Variants in CPPED1 observed in about 807,000 individuals in gnomAD.
CPPED1 encodes the protein calcineurin like phosphoesterase domain containing 1.
In CPPED1, 28 loss-of-function variants were observed where a neutral mutation model predicts 28.0. The observed-to-expected ratio is 1.00, with a 90% CI of 0.74 to 1.37. CPPED1 has a LOEUF of 1.37. CPPED1 is among the 40% of genes most tolerant of loss of function. The probability of loss-of-function intolerance (pLI) is 0.00; values close to 1 mark genes in which losing one functional copy is unlikely to be tolerated. For missense variants in CPPED1, 504 were observed against 416.5 expected (o/e 1.21, Z -1.83); for synonymous variants, 198 against 180.2 (o/e 1.10, Z -0.79).
intron 3 of CPPED1, among the ~76,000 whole-genome samples, chr16:12,686,239 A>AT (rs1374336715): frequency 1.5e-4 from 18 of 116,406 alleles, no homozygotes; most frequent in African/African-American, 1.0e-3. Flanking sequence ...ATATATATAT[A>AT]TATTTTTTTT....
intron 2 of CPPED1, among the ~76,000 whole-genome samples, chr16:12,734,785 A>C (rs982717068): frequency 1.3e-5 from 2 of 152,178 alleles, no homozygotes; most frequent in African/African-American, 4.8e-5. Context: ...GAGTCCTCTC[A>C]TGGTCTCCCC....
intron 2 of CPPED1, among the ~76,000 whole-genome samples, chr16:12,774,727 G>C (rs1204649923): frequency 6.6e-6 from 1 of 152,204 alleles, no homozygotes; most frequent in Non-Finnish European, 1.5e-5. Flanking sequence ...ATGCCCTCAT[G>C]AATGGATGAG....
intron 1 of CPPED1, among the ~76,000 whole-genome samples, chr16:12,783,725 A>C (rs2080546223): frequency 6.6e-6 from 1 of 151,468 alleles, no homozygotes; most frequent in Admixed American, 6.6e-5. Context: ...AGAGTTAAAG[A>C]AAAAAAAAGT....
At chr16:12,719,552 C>T (rs960379221) in intron 2 of CPPED1, among the ~76,000 whole-genome samples, 11 of 152,134 alleles carry the variant, frequency 7.2e-5, no homozygotes, top group East Asian at 1.9e-4. Context: ...GGAGCGAAGA[C>T]GGAAAGATTG....
chr16:12,780,334 T>C (rs1013004326), intron 2 of CPPED1, among the ~76,000 whole-genome samples: 2 of 151,886 alleles, frequency 1.3e-5, no homozygotes, highest in African/African-American at 4.8e-5. Flanking sequence ...CACCACCACG[T>C]CTGGCTAATT....
chr16:12,696,171 G>T (rs1224272862), intron 3 of CPPED1, among the ~76,000 whole-genome samples: 1 of 151,754 alleles, frequency 6.6e-6, no homozygotes, highest in Admixed American at 6.6e-5. Context: ...GAACAGAGTT[G>T]ATCATTATTT....
At chr16:12,788,618 C>G (rs546773263) in intron 1 of CPPED1, among the ~76,000 whole-genome samples, 48 of 152,218 alleles carry the variant, frequency 3.2e-4, no homozygotes, top group Middle Eastern at 6.8e-3. Context: ...GCCTCAAGTT[C>G]AAGGTCACAC....
intron 3 of CPPED1, among the ~76,000 whole-genome samples, chr16:12,671,915 T>A (rs1379085579): frequency 6.6e-6 from 1 of 152,234 alleles, no homozygotes; most frequent in East Asian, 1.9e-4. Context: ...ACGCCATATA[T>A]GAAGGGGGTC....
chr16:12,708,768 G>C (rs1431338638), intron 2 of CPPED1, among the ~76,000 whole-genome samples: 1 of 152,170 alleles, frequency 6.6e-6, no homozygotes, highest in Non-Finnish European at 1.5e-5. Flanking sequence ...GCACAACTTA[G>C]CAGAGCTTCC....
At chr16:12,764,555 G>T (rs2080428609) in intron 2 of CPPED1, among the ~76,000 whole-genome samples, 2 of 151,970 alleles carry the variant, frequency 1.3e-5, no homozygotes, top group African/African-American at 4.8e-5. Context: ...GCCCAGGCTG[G>T]TCTCAAACTC....
rs67527035 is a variant in CPPED1, at chr16:12,777,903, CTTTTTTTTTTTT to C, written c.289+3270_289+3281del. Among the ~76,000 whole-genome samples, 609 of 126,608 alleles carry C rather than the reference CTTTTTTTTTTTT, an allele frequency of 4.8e-3. 6 individuals carry two copies. The highest frequency in any genetic ancestry group is 0.024 in the Middle Eastern group (6 of 252). 83.1% of individuals were successfully genotyped at this position (126,608 alleles called of 152,430 possible). On this transcript the variant is annotated intron_variant, in intron 2 of 3. Transcript: ENST00000381774. ...AATGAAAGTTCTTTTTTTCTATTTT[CTTTTTTTTTTTT>C]TTTTCTTTTTTTGAGATGAAGTCTT...
chr16:12,778,277 CTTTTTTT>C (rs371883790), intron 2 of CPPED1, among the ~76,000 whole-genome samples: 3 of 116,162 alleles, frequency 2.6e-5, no homozygotes, highest in East Asian at 2.3e-4. Context: ...TTCTTTCTTT[CTTTTTTT>C]TTTTTTTTTT....
chr16:12,737,829 A>G (rs996013762), intron 2 of CPPED1, among the ~76,000 whole-genome samples: 49 of 152,200 alleles, frequency 3.2e-4, no homozygotes, highest in African/African-American at 1.2e-3. Flanking sequence ...ACATTTGAGC[A>G]ATTTTCTCTC....
chr16:12,766,971 C>G (rs1417642610), intron 2 of CPPED1, among the ~76,000 whole-genome samples: 1 of 150,444 alleles, frequency 6.6e-6, no homozygotes, highest in Non-Finnish European at 1.5e-5. Context: ...GATCCCAAGT[C>G]ATTTTGGCTC....
chr16:12,754,854 T>G (rs2080354761), intron 2 of CPPED1, among the ~76,000 whole-genome samples: 1 of 151,866 alleles, frequency 6.6e-6, no homozygotes, highest in Non-Finnish European at 1.5e-5. Context: ...AAAAAAAAAA[T>G]TCTTTAAATT....
In CPPED1 at chr16:12,728,015, A is replaced by T. The variant is rs1484420426; in HGVS notation, c.290-22966T>A. 2.0e-5 allele frequency among the ~76,000 whole-genome samples: 3 copies of T among 152,198 alleles called. No individual in the cohort carries two copies. The East Asian group carries it at 5.8e-4, about 29-fold the overall frequency. On this transcript the variant is annotated intron_variant, in intron 2 of 3. Coordinates refer to ENST00000381774, the MANE Select transcript of CPPED1 (RefSeq NM_018340.3). ...CTCATACAAACTGAATTAATTCACAATGCAGATGAATACACTAATTCAACT... is the reference window on the plus strand; with the variant it reads ...CTCATACAAACTGAATTAATTCACATTGCAGATGAATACACTAATTCAACT...
At chr16:12,701,473 G>C (rs2080020494) in intron 3 of CPPED1, among the ~76,000 whole-genome samples, 1 of 152,178 alleles carries the variant, frequency 6.6e-6, no homozygotes, top group Non-Finnish European at 1.5e-5. Context: ...GGTGGAGGAG[G>C]TGGTAGTGAC....
chr16:12,717,573 T>C (rs1358668562), intron 2 of CPPED1, among the ~76,000 whole-genome samples: 1 of 151,342 alleles, frequency 6.6e-6, no homozygotes, highest in Non-Finnish European at 1.5e-5. Context: ...TGGGATCATT[T>C]TTTAGTGTAA....
chr16:12,754,708 G>A (rs890511342), intron 2 of CPPED1, among the ~76,000 whole-genome samples: 3 of 152,136 alleles, frequency 2.0e-5, no homozygotes, highest in African/African-American at 2.4e-5. Context: ...AAATGTTAAA[G>A]TGTAGCATAG....
Sources: gnomAD v4.1 joint callset for allele counts (sites outside exome capture counted in the v4.1 genomes callset) on GRCh38, gnomAD v4.1.1 for gene constraint, MANE v1.5 for transcripts, NCBI Gene and HGNC (gene_info 2026-07-23, HGNC 2026-07-21) for gene names.